The following CCDC92B variants were observed in gnomAD, a reference collection of about 807,000 sequenced individuals.
CCDC92B encodes the protein coiled-coil domain-containing 92B.
CCDC92B carries 2 observed loss-of-function variants against 5.6 expected under a neutral mutation model. The ratio of observed to expected loss-of-function variants is 0.36; its 90% CI spans 0.15 to 1.12. The LOEUF is 1.12. CCDC92B is among the 50% of genes most tolerant of loss of function. CCDC92B has a pLI of 0.40. For synonymous variants in CCDC92B, 115 were observed against 122.3 expected, an observed-to-expected ratio of 0.94 and a Z score of 0.39; for missense variants, 271 against 262.2, an observed-to-expected ratio of 1.03 and a Z score of -0.23.
At position 2,724,147 on chromosome 17, in the gene CCDC92B, A is replaced by G. The variant is rs1453173808; in HGVS notation, c.*264T>C. 9 of 984,716 alleles carry G rather than the reference A, an allele frequency of 9.1e-6. No homozygotes were observed. Among genetic ancestry groups the G allele is most frequent in the Middle Eastern group, 5.2e-4 (1 of 1,936 alleles). The allele number at this position is 984,716 out of a possible 1,614,324, so 61.0% of individuals were successfully genotyped here. On this transcript the variant is annotated 3_prime_UTR_variant, in exon 4 of 4. Transcript: ENST00000614400. The surrounding 1 kb of genome is among the most constrained non-coding windows in gnomAD (Gnocchi z 5.0). ...CAGGTGGGACCAGGCCAGGATCGGG[A>G]CGGCGAGTCCTCTCGGTAGAGAAGG...
rs2070674328 is a variant in CCDC92B at position 2,722,991 on chromosome 17, C to T, written c.*1420G>A. 1 of 152,434 alleles carries T rather than the reference C, an allele frequency of 6.6e-6. No individual in the cohort carries two copies. The highest frequency in any genetic ancestry group is 2.4e-5 in the African/African-American group (1 of 41,430). 9.4% of individuals were successfully genotyped at this position (152,434 alleles called of 1,614,324 possible). A position where few individuals can be genotyped will look rare whatever the true frequency, so the allele number is the denominator to read the frequency against. On this transcript the variant is annotated 3_prime_UTR_variant, in exon 4 of 4. Transcript: ENST00000614400. ...GGAGAAGGGGCGTTAGGAGGTGGGGCTTTCCCCTTTCCACGTCGCCATTCC... is the reference window on the plus strand; with the variant it reads ...GGAGAAGGGGCGTTAGGAGGTGGGGTTTTCCCCTTTCCACGTCGCCATTCC...
chr17:2,724,732 C>T lies in CCDC92B; in HGVS notation c.447G>A (p.Gln149=), dbSNP rs1053425001. Residue 149 remains glutamine (Q), a synonymous_variant, in exon 4 of 4, where the codon CAG becomes CAA. Coordinates refer to ENST00000614400, the MANE Select transcript of CCDC92B (RefSeq NM_001355573.2). The surrounding 1 kb of genome is among the most constrained non-coding windows in gnomAD (Gnocchi z 5.0). ...GGCCCGGGCGCGGGGCCTGCAGTCT[C>T]TGGCGCGCCGCGTGCAGCTGGCAGG... ...YLSCQLHAAR[Q]RLQAPRPGPG... is the part of the protein sequence containing the mutation. 21 of 981,382 alleles carry T rather than the reference C, an allele frequency of 2.1e-5. No homozygotes were observed. The highest frequency in any genetic ancestry group is 2.5e-5 in the Non-Finnish European group (21 of 828,524). The allele number at this position is 981,382 out of a possible 1,614,324, so 60.8% of individuals were successfully genotyped here.
At chr17:2,743,793 G>T (rs929893648) in intron 1 of CCDC92B, among the ~76,000 whole-genome samples, 3 of 152,110 alleles carry the variant, frequency 2.0e-5, no homozygotes. Context: ...AGAAGCTTTT[G>T]TTACTCTGCA....
At chr17:2,742,766 C>G (rs1329922347) in intron 1 of CCDC92B, among the ~76,000 whole-genome samples, 1 of 152,104 alleles carries the variant, frequency 6.6e-6, no homozygotes, top group Non-Finnish European at 1.5e-5. Context: ...GTGAGGATAT[C>G]CCTCAAACTT....
intron 2 of CCDC92B, among the ~76,000 whole-genome samples, chr17:2,732,493 G>C (rs568112348): frequency 1.8e-3 from 274 of 152,302 alleles, no homozygotes; most frequent in Non-Finnish European, 2.6e-3. Context: ...ACGGTGGGCA[G>C]ATCATCTGAG....
intron 3 of CCDC92B, among the ~76,000 whole-genome samples, chr17:2,728,857 T>C (rs1053729719): frequency 6.6e-6 from 1 of 152,216 alleles, no homozygotes; most frequent in African/African-American, 2.4e-5. Context: ...TTAGATGGTC[T>C]GTAACTGATC....
At chr17:2,737,452 C>A (rs1463438915) in intron 1 of CCDC92B, among the ~76,000 whole-genome samples, 1 of 149,796 alleles carries the variant, frequency 6.7e-6, no homozygotes, top group African/African-American at 2.5e-5. Flanking sequence ...CTAATCCAAC[C>A]AAATAGGCCT....
chr17:2,737,373 C>T (rs1010803930), intron 1 of CCDC92B, among the ~76,000 whole-genome samples: 15 of 151,842 alleles, frequency 9.9e-5, no homozygotes, highest in African/African-American at 3.6e-4. Context: ...GAGCAGGTCC[C>T]CCTGAGAACT....
chr17:2,740,304 C>T (rs1363183528), intron 1 of CCDC92B, among the ~76,000 whole-genome samples: 1 of 151,922 alleles, frequency 6.6e-6, no homozygotes, highest in African/African-American at 2.4e-5. Context: ...TAATTAAGGC[C>T]TCCAATCAGT....
At chr17:2,739,636 T>C (rs921446829) in intron 1 of CCDC92B, among the ~76,000 whole-genome samples, 19 of 150,382 alleles carry the variant, frequency 1.3e-4, no homozygotes, top group Non-Finnish European at 2.2e-4. Flanking sequence ...GAGCCAAGAT[T>C]GCGCCACTGC....
At chr17:2,737,417 T>G (rs1330143812) in intron 1 of CCDC92B, among the ~76,000 whole-genome samples, 1 of 150,938 alleles carries the variant, frequency 6.6e-6, no homozygotes, top group African/African-American at 2.4e-5. Flanking sequence ...TCTGGGCCCC[T>G]TTCTCTGGTA....
chr17:2,744,698 C>T (rs1460484619), intron 1 of CCDC92B, among the ~76,000 whole-genome samples: 1 of 152,032 alleles, frequency 6.6e-6, no homozygotes. Flanking sequence ...GATCAAGATG[C>T]CATGTGTTAG....
At chr17:2,748,612 A>T (rs2071016881) in intron 1 of CCDC92B, 1 of 984,698 alleles carries the variant, frequency 1.0e-6, no homozygotes, top group African/African-American at 1.7e-5. Context: ...GTCTCTGGGA[A>T]TCTCTTGCAA....
At chr17:2,742,634 C>T (rs1384924106) in intron 1 of CCDC92B, among the ~76,000 whole-genome samples, 1 of 152,262 alleles carries the variant, frequency 6.6e-6, no homozygotes, top group Middle Eastern at 3.4e-3. Flanking sequence ...TATCTATAAT[C>T]ACTCCCTGGG....
intron 3 of CCDC92B, among the ~76,000 whole-genome samples, chr17:2,725,988 C>CTTTTTTTTTTTTTTTTTTTTTTT: frequency 1.3e-5 from 1 of 78,240 alleles, no homozygotes; most frequent in Non-Finnish European, 2.3e-5. Context: ...TTTATCACGT[C>CTTTTTTTTTTTTTTTTTTTTTTT]TTTTTTTTTT....
At chr17:2,726,184 T>TA (rs1567610409) in intron 3 of CCDC92B, among the ~76,000 whole-genome samples, 84 of 17,416 alleles carry the variant, frequency 4.8e-3, no homozygotes, top group Non-Finnish European at 8.5e-3. Context: ...ATATATATAT[T>TA]TTTTTTTTTT....
Position 2,723,886 on chromosome 17 carries a change from G to C in CCDC92B, c.*525C>G, listed in dbSNP as rs1410702387. 1 of 955,084 alleles carries C rather than the reference G, an allele frequency of 1.0e-6. No homozygotes were observed. Among genetic ancestry groups the C allele is most frequent in the East Asian group, 1.2e-4 (1 of 8,640 alleles). 59.2% of individuals were successfully genotyped at this position (955,084 alleles called of 1,614,324 possible). On this transcript the variant is annotated 3_prime_UTR_variant, in exon 4 of 4. Coordinates refer to ENST00000614400, the MANE Select transcript of CCDC92B (RefSeq NM_001355573.2). ...CTGCAAGGACCTATCGGCAGGGTCAGGGTGGGGGTAGAAGGACCAGCCCCT... is the reference window on the plus strand; with the variant it reads ...CTGCAAGGACCTATCGGCAGGGTCACGGTGGGGGTAGAAGGACCAGCCCCT...
chr17:2,728,161 C>CA (rs1434270180), intron 3 of CCDC92B, among the ~76,000 whole-genome samples: 1 of 150,176 alleles, frequency 6.7e-6, no homozygotes, highest in Admixed American at 6.7e-5. Flanking sequence ...CCCCTCTCTA[C>CA]AAAAAAGCTG....
intron 3 of CCDC92B, among the ~76,000 whole-genome samples, chr17:2,725,924 G>A (rs1302511965): frequency 6.6e-6 from 1 of 151,340 alleles, no homozygotes; most frequent in African/African-American, 2.4e-5. Flanking sequence ...GACTGAAAGA[G>A]CTGCCAGTGT....
Sources: gnomAD v4.1 joint callset for allele counts (sites outside exome capture counted in the v4.1 genomes callset) on GRCh38, gnomAD v4.1.1 for gene constraint, Gnocchi (gnomAD v3.1) non-coding constraint, MANE v1.5 for transcripts, NCBI Gene and HGNC (gene_info 2026-07-23, HGNC 2026-07-21) for gene names.